Variants in ZNF431 observed in about 807,000 individuals in gnomAD.
The protein encoded by ZNF431 is zinc finger protein 431.
A neutral mutation model predicts 57.0 loss-of-function variants in ZNF431; 34 were observed. The observed-to-expected ratio is 0.60, with a 90% CI of 0.45 to 0.79. The LOEUF (loss-of-function observed/expected upper bound fraction) is 0.79. Among genes scored for constraint, ZNF431 ranks in the 30% least tolerant of loss-of-function variants. The pLI is 0.00. For missense variants in ZNF431, 607 were observed against 667.1 expected, an observed-to-expected ratio of 0.91 and a Z score of 0.99; for synonymous variants, 207 against 220.3, an observed-to-expected ratio of 0.94 and a Z score of 0.54.
chr19:21,155,936 T>C (rs1047576795), intron 2 of ZNF431, among the ~76,000 whole-genome samples: 11 of 152,100 alleles, frequency 7.2e-5, no homozygotes, highest in African/African-American at 1.7e-4. Context: ...CCAGGGCTCC[T>C]GCCAGGATTG....
At position 21,186,967 on chromosome 19, in the gene ZNF431, G is replaced by C. The variant is rs1244369754; in HGVS notation, c.*2933G>C. The C allele has an allele frequency of 6.6e-6, 1 of 151,986 alleles. No individual in the cohort carries two copies. The highest frequency in any genetic ancestry group is 1.5e-5 in the Non-Finnish European group (1 of 67,988). The allele number at this position is 151,986 out of a possible 1,614,324, so 9.4% of individuals were successfully genotyped here. On this transcript the variant is annotated 3_prime_UTR_variant, in exon 5 of 5. Transcript: ENST00000311048. ...GTCAATTTGTTCAGCTAAGTACTAG[G>C]GAGGCTTCATTAGTCATGAGGATGT...
At position 21,152,245 on chromosome 19, in the gene ZNF431, G is replaced by C. The variant is rs147359775; in HGVS notation, c.96+8602G>C. On this transcript the variant is annotated intron_variant, in intron 2 of 4. Coordinates refer to ENST00000311048, the MANE Select transcript of ZNF431 (RefSeq NM_133473.4). ...GTAATATAAAATAAGAAAGAGAAAA[G>C]AGAGAAAAAGCATTGTCTGTGGCAG... 2.5e-3 allele frequency among the ~76,000 whole-genome samples: 387 copies of C among 152,296 alleles called. 2 individuals are homozygous for C. Among genetic ancestry groups the C allele is most frequent in the African/African-American group, 8.8e-3 (364 of 41,562 alleles).
chr19:21,172,010 G>A (rs979325834), intron 4 of ZNF431, among the ~76,000 whole-genome samples: 3 of 151,426 alleles, frequency 2.0e-5, no homozygotes, highest in Non-Finnish European at 2.9e-5. Context: ...ATGAGCCACC[G>A]CACCTGGCCT....
chr19:21,150,313 C>T (rs1039315350), intron 2 of ZNF431: 4 of 438,452 alleles, frequency 9.1e-6, no homozygotes, highest in Middle Eastern at 1.5e-3. Context: ...GGATGTCCTG[C>T]CCAGTGCCAC....
intron 4 of ZNF431, among the ~76,000 whole-genome samples, chr19:21,179,004 G>A (rs1476909302): frequency 6.6e-6 from 1 of 151,902 alleles, no homozygotes; most frequent in Non-Finnish European, 1.5e-5. Flanking sequence ...TCTGATCCTG[G>A]ACTTTTTTTG....
At position 21,182,767 on chromosome 19, in the gene ZNF431, AG is replaced by A; in HGVS notation, c.466del (p.Val156CysfsTer9). The A allele has an allele frequency of 1.9e-6, 3 of 1,613,874 alleles. No individual in the cohort carries two copies. Among genetic ancestry groups the A allele is most frequent in the Non-Finnish European group, 2.5e-6 (3 of 1,179,864 alleles). On this transcript the variant is annotated frameshift_variant, in exon 5 of 5. Coordinates refer to ENST00000311048, the MANE Select transcript of ZNF431 (RefSeq NM_133473.4). LOFTEE classifies it high-confidence loss of function. Reference sequence around the variant, plus strand: ...GGCTCCGCAAGTGTAGATGAGTATAAGGTGCACAAAGAAGGTTATAATGAGC... The same window carrying A: ...GGCTCCGCAAGTGTAGATGAGTATAAGTGCACAAAGAAGGTTATAATGAGC... Reference protein sequence around the residue: ...RKGSASVDEYKVHKEGYNELN... With the variant: ...RKGSASVDEYXVHKEGYNELN...
At chr19:21,152,529 G>A (rs1356396526) in intron 2 of ZNF431, among the ~76,000 whole-genome samples, 1 of 152,184 alleles carries the variant, frequency 6.6e-6, no homozygotes, top group Non-Finnish European at 1.5e-5. Context: ...ATGTCCCATA[G>A]TGTCAAACCA....
chr19:21,167,679 GA>G lies in ZNF431; in HGVS notation c.319+21del, dbSNP rs770416008. On this transcript the variant is annotated intron_variant, in intron 4 of 4. Transcript: ENST00000311048. ...GATGAACCCCCAGGTAGGTGAGAGTGAAAAAAAACAGATGACACAGATGAGA... is the reference window on the plus strand; with the variant it reads ...GATGAACCCCCAGGTAGGTGAGAGTGAAAAAAACAGATGACACAGATGAGA... 2.9e-5 allele frequency: 44 copies of G among 1,495,358 alleles called. No individual in the cohort carries two copies. The highest frequency in any genetic ancestry group is 9.8e-5 in the East Asian group (4 of 40,716). The allele number at this position is 1,495,358 out of a possible 1,614,324, so 92.6% of individuals were successfully genotyped here.
chr19:21,179,414 T>G (rs1292709380), intron 4 of ZNF431, among the ~76,000 whole-genome samples: 1 of 152,164 alleles, frequency 6.6e-6, no homozygotes, highest in African/African-American at 2.4e-5. Flanking sequence ...CTTGAAGTTT[T>G]GTTTGCTCTT....
intron 4 of ZNF431, among the ~76,000 whole-genome samples, chr19:21,176,492 C>T (rs1971056113): frequency 6.6e-6 from 1 of 151,956 alleles, no homozygotes; most frequent in Non-Finnish European, 1.5e-5. Flanking sequence ...ATCCTCCCAC[C>T]TCGGCCTCCC....
Position 21,185,198 on chromosome 19 carries a change from A to G in ZNF431, c.*1164A>G, listed in dbSNP as rs1460368890. 6.6e-6 allele frequency: 1 copy of G among 152,226 alleles called. No individual in the cohort carries two copies. The highest frequency in any genetic ancestry group is 1.5e-5 in the Non-Finnish European group (1 of 68,042). The allele number at this position is 152,226 out of a possible 1,614,324, so 9.4% of individuals were successfully genotyped here. On this transcript the variant is annotated 3_prime_UTR_variant, in exon 5 of 5. Coordinates refer to ENST00000311048, the MANE Select transcript of ZNF431 (RefSeq NM_133473.4). ...TTCAGATATACTAAATCAGAGTGCT[A>G]AGTATAGAAAATCTGAAACTAAAGT...
Position 21,185,937 on chromosome 19 carries a change from A to C in ZNF431, c.*1903A>C, listed in dbSNP as rs1250211388. 2 of 152,196 alleles carry C rather than the reference A, an allele frequency of 1.3e-5. No individual in the cohort carries two copies. The highest frequency in any genetic ancestry group is 2.9e-5 in the Non-Finnish European group (2 of 68,038). The allele number at this position is 152,196 out of a possible 1,614,324, so 9.4% of individuals were successfully genotyped here. A position where few individuals can be genotyped will look rare whatever the true frequency, so the allele number is the denominator to read the frequency against. Reference sequence around the variant, plus strand: ...ACCACAGTGTTATTTTTATCGTCATAATAAAAATTATATACGAGTATAAAT... The same window carrying C: ...ACCACAGTGTTATTTTTATCGTCATCATAAAAATTATATACGAGTATAAAT... On this transcript the variant is annotated 3_prime_UTR_variant, in exon 5 of 5. Transcript: ENST00000311048.
chr19:21,184,583 C>G lies in ZNF431; in HGVS notation c.*549C>G, dbSNP rs1479805853. 1 of 153,472 alleles carries G rather than the reference C, an allele frequency of 6.5e-6. No homozygotes were observed. The highest frequency in any genetic ancestry group is 1.5e-5 in the Non-Finnish European group (1 of 68,242). The allele number at this position is 153,472 out of a possible 1,614,324, so 9.5% of individuals were successfully genotyped here. On this transcript the variant is annotated 3_prime_UTR_variant, in exon 5 of 5. Transcript: ENST00000311048. ...TGAGATAAAGCCTTTAAATGGTTGT[C>G]ACACTTCATTGTAGGTAAGATAATT... is the stretch of plus-strand genomic sequence containing the variant.
chr19:21,144,354 A>T (rs1371203678), intron 2 of ZNF431, among the ~76,000 whole-genome samples: 1 of 151,746 alleles, frequency 6.6e-6, no homozygotes, highest in East Asian at 1.9e-4. Flanking sequence ...ACACACCACC[A>T]CACCCAGCTA....
Position 21,185,944 on chromosome 19 carries a change from A to G in ZNF431, c.*1910A>G, listed in dbSNP as rs1971364711. 1 of 152,188 alleles carries G rather than the reference A, an allele frequency of 6.6e-6. No homozygotes were observed. The highest frequency in any genetic ancestry group is 1.5e-5 in the Non-Finnish European group (1 of 68,042). 9.4% of individuals were successfully genotyped at this position (152,188 alleles called of 1,614,324 possible). A position where few individuals can be genotyped will look rare whatever the true frequency, so the allele number is the denominator to read the frequency against. ...TGTTATTTTTATCGTCATAATAAAAATTATATACGAGTATAAATGAAATTC... is the reference window on the plus strand; with the variant it reads ...TGTTATTTTTATCGTCATAATAAAAGTTATATACGAGTATAAATGAAATTC... On this transcript the variant is annotated 3_prime_UTR_variant, in exon 5 of 5. Transcript: ENST00000311048.
At chr19:21,155,730 T>C (rs372799128) in intron 2 of ZNF431, among the ~76,000 whole-genome samples, 205 of 152,250 alleles carry the variant, frequency 1.3e-3, no homozygotes, top group Middle Eastern at 3.4e-3. Context: ...CTATGCTGAC[T>C]CTGGGTGGTG....
At chr19:21,161,272 G>C (rs994480061) in intron 2 of ZNF431, among the ~76,000 whole-genome samples, 1 of 152,116 alleles carries the variant, frequency 6.6e-6, no homozygotes, top group Admixed American at 6.6e-5. Flanking sequence ...AGTATTGTAT[G>C]GTTAGTACAA....
At chr19:21,154,464 G>A (rs931085347) in intron 2 of ZNF431, among the ~76,000 whole-genome samples, 3 of 152,168 alleles carry the variant, frequency 2.0e-5, no homozygotes, top group African/African-American at 7.2e-5. Context: ...ATTGTGAATA[G>A]TGCTGCAATA....
chr19:21,166,095 A>G (rs955414906), intron 2 of ZNF431, among the ~76,000 whole-genome samples: 5 of 152,196 alleles, frequency 3.3e-5, no homozygotes, highest in African/African-American at 4.8e-5. Context: ...TATATACTTT[A>G]TCATCCAGAG....
Sources: gnomAD v4.1 joint callset for allele counts (sites outside exome capture counted in the v4.1 genomes callset) on GRCh38, gnomAD v4.1.1 for gene constraint, MANE v1.5 for transcripts, NCBI Gene and HGNC (gene_info 2026-07-23, HGNC 2026-07-21) for gene names.